Variants in SRGAP1 observed in about 807,000 individuals in gnomAD.
The protein encoded by SRGAP1 is SLIT-ROBO Rho GTPase-activating protein 1.
A neutral mutation model predicts 121.9 loss-of-function variants in SRGAP1; 43 were observed. That is an observed-to-expected ratio of 0.35 (90% CI 0.28 to 0.46). The LOEUF (loss-of-function observed/expected upper bound fraction) is 0.46. SRGAP1 is among the 20% of genes least tolerant of loss of function. SRGAP1 has a pLI of 1.00. For missense variants in SRGAP1, 1,102 were observed against 1,350.9 expected, an observed-to-expected ratio of 0.82 and a Z score of 2.89; for synonymous variants, 447 against 485.4, an observed-to-expected ratio of 0.92 and a Z score of 1.04.
intron 6 of SRGAP1, among the ~76,000 whole-genome samples, chr12:64,049,778 C>T (rs1485758767): frequency 6.6e-6 from 1 of 152,114 alleles, no homozygotes; most frequent in Non-Finnish European, 1.5e-5. Context: ...GTTACTATGG[C>T]TGTCTTGGTT....
chr12:64,031,731 A>G (rs187750692), intron 4 of SRGAP1, among the ~76,000 whole-genome samples: 96 of 152,296 alleles, frequency 6.3e-4, no homozygotes, highest in Non-Finnish European at 1.0e-3. Context: ...CCCAGAAGTT[A>G]TGTGATCAAT....
chr12:64,132,371 G>C (rs373805155), intron 21 of SRGAP1, among the ~76,000 whole-genome samples: 47 of 152,270 alleles, frequency 3.1e-4, no homozygotes, highest in African/African-American at 1.1e-3. Context: ...ACAGCAGCCT[G>C]GACCTGTTGC....
intron 1 of SRGAP1, among the ~76,000 whole-genome samples, chr12:63,925,546 G>A (rs1450102612): frequency 6.6e-6 from 1 of 152,050 alleles, no homozygotes; most frequent in Non-Finnish European, 1.5e-5. Context: ...TTACAGCGAA[G>A]AAAAATTGAG....
In SRGAP1 at chr12:64,062,244, T is replaced by C. The variant is rs2035463504; in HGVS notation, c.802-673T>C. On this transcript the variant is annotated intron_variant, in intron 6 of 21. Transcript: ENST00000355086. Reference sequence around the variant, plus strand: ...CTAGTGGGTGTGAAGTGGTATCTCATTGTGGTTTTGACTTGCATTTCTCCG... The same window carrying C: ...CTAGTGGGTGTGAAGTGGTATCTCACTGTGGTTTTGACTTGCATTTCTCCG... Among the ~76,000 whole-genome samples, 6 of 152,312 alleles carry C rather than the reference T, an allele frequency of 3.9e-5. No homozygotes were observed. In the South Asian group the frequency reaches 1.2e-3, roughly 32 times the overall value.
Position 64,125,249 on chromosome 12 carries a change from A to G in SRGAP1, c.2225-728A>G, listed in dbSNP as rs760173670. Among the ~76,000 whole-genome samples, 82 of 152,304 alleles carry G rather than the reference A, an allele frequency of 5.4e-4. 1 individual carries two copies. The highest frequency in any genetic ancestry group is 2.1e-3 in the Admixed American group (32 of 15,294). On this transcript the variant is annotated intron_variant, in intron 18 of 21. Transcript: ENST00000355086. ...TTGAGATTGGCTTTTTTCACTCACC[A>G]TCATTCCCTTGAATATCTTTTGATC...
chr12:63,960,230 T>C (rs1330595724), intron 1 of SRGAP1, among the ~76,000 whole-genome samples: 1 of 152,190 alleles, frequency 6.6e-6, no homozygotes. Context: ...GAGAGATGAA[T>C]GCTGAAATTC....
At chr12:64,002,926 A>G (rs569043450) in intron 3 of SRGAP1, among the ~76,000 whole-genome samples, 20 of 152,138 alleles carry the variant, frequency 1.3e-4, no homozygotes, top group Non-Finnish European at 2.6e-4. Flanking sequence ...ATAAATTTCA[A>G]CTTCCATGAG....
chr12:63,915,313 T>C (rs528028894), intron 1 of SRGAP1, among the ~76,000 whole-genome samples: 3 of 152,346 alleles, frequency 2.0e-5, no homozygotes, highest in East Asian at 1.9e-4. Context: ...TAGGCAGGGC[T>C]AACTGCCATA....
At chr12:63,889,508 A>G (rs1423416557) in intron 1 of SRGAP1, among the ~76,000 whole-genome samples, 2 of 152,200 alleles carry the variant, frequency 1.3e-5, no homozygotes, top group Admixed American at 1.3e-4. Flanking sequence ...TGCTGCTGTT[A>G]GAAAATGGGA....
chr12:63,998,363 A>G (rs1160179973), intron 3 of SRGAP1, among the ~76,000 whole-genome samples: 1 of 152,196 alleles, frequency 6.6e-6, no homozygotes, highest in African/African-American at 2.4e-5. Context: ...GCAACACTAT[A>G]ATGTACATCC....
intron 14 of SRGAP1, 33 bp downstream of exon 14, chr12:64,095,237 C>A: frequency 1.3e-6 from 2 of 1,588,276 alleles, no homozygotes; most frequent in Non-Finnish European, 1.7e-6. Flanking sequence ...AAGCAAACCA[C>A]GTTGAAAAGT....
rs896312084 is a variant in SRGAP1, at chr12:64,058,018, C to T, written c.802-4899C>T. 9.9e-5 allele frequency among the ~76,000 whole-genome samples: 15 copies of T among 152,178 alleles called. No homozygotes were observed. In the South Asian group the frequency reaches 1.7e-3, roughly 17 times the overall value. On this transcript the variant is annotated intron_variant, in intron 6 of 21. Transcript: ENST00000355086. ...AGCAAACTTCTACCCCACTAGGGCT[C>T]ATATCATGGAGTTATGCCAAAAAAT... is the stretch of plus-strand genomic sequence containing the variant.
intron 1 of SRGAP1, among the ~76,000 whole-genome samples, chr12:63,858,973 G>T (rs1442774681): frequency 6.6e-6 from 1 of 152,186 alleles, no homozygotes; most frequent in East Asian, 1.9e-4. Context: ...AAAGTGCTGG[G>T]ATTACAGGCG....
At chr12:63,960,612 A>G (rs555054528) in intron 1 of SRGAP1, among the ~76,000 whole-genome samples, 4 of 152,228 alleles carry the variant, frequency 2.6e-5, no homozygotes, top group Non-Finnish European at 4.4e-5. Flanking sequence ...TCACATCCCT[A>G]TCCCCAGAAT....
chr12:64,062,694 T>G (rs998846051), intron 6 of SRGAP1, among the ~76,000 whole-genome samples: 1 of 152,120 alleles, frequency 6.6e-6, no homozygotes, highest in African/African-American at 2.4e-5. Context: ...TTTTTTGTAT[T>G]TTAGTAGAGA....
intron 18 of SRGAP1, among the ~76,000 whole-genome samples, chr12:64,117,606 A>G (rs986350092): frequency 2.4e-4 from 36 of 152,022 alleles, no homozygotes; most frequent in African/African-American, 8.7e-4. Flanking sequence ...TAATTCTCCT[A>G]TATTCTCTTA....
intron 1 of SRGAP1, among the ~76,000 whole-genome samples, chr12:63,915,777 A>C (rs927234747): frequency 7.9e-5 from 12 of 152,148 alleles, no homozygotes; most frequent in Non-Finnish European, 1.5e-5. Context: ...AGGAAAACCA[A>C]ATGTGATTTG....
chr12:64,018,482 G>A (rs1230635995), intron 4 of SRGAP1, among the ~76,000 whole-genome samples: 2 of 152,122 alleles, frequency 1.3e-5, no homozygotes, highest in African/African-American at 4.8e-5. Context: ...AGGCACGTGT[G>A]TAAAATACAG....
chr12:64,072,384 T>A (rs898001164), intron 8 of SRGAP1, among the ~76,000 whole-genome samples: 5 of 152,052 alleles, frequency 3.3e-5, no homozygotes, highest in Admixed American at 6.6e-5. Flanking sequence ...TGTGTTATGG[T>A]ATGATTTGTG....
Sources: allele counts gnomAD v4.1 joint callset (sites outside exome capture counted in the v4.1 genomes callset), GRCh38; gene constraint gnomAD v4.1.1; transcripts MANE v1.5; gene names NCBI Gene and HGNC (gene_info 2026-07-23, HGNC 2026-07-21).